The following SLC27A2 variants were observed in gnomAD, a reference collection of about 807,000 sequenced individuals.
SLC27A2 encodes the protein solute carrier family 27 member 2, also known as long-chain fatty acid transport protein 2.
A neutral mutation model predicts 60.0 loss-of-function variants in SLC27A2; 54 were observed. That is an observed-to-expected ratio of 0.90 (90% CI 0.72 to 1.13). The LOEUF (loss-of-function observed/expected upper bound fraction) is 1.13. SLC27A2 is among the 50% of genes most tolerant of loss of function. SLC27A2 has a pLI of 0.00. For missense variants in SLC27A2, 739 were observed against 777.6 expected (o/e 0.95, Z 0.59); for synonymous variants, 297 against 297.6 (o/e 1.00, Z 0.02).
At chr15:50,221,347 A>G (rs2140910648) in intron 4 of SLC27A2, among the ~76,000 whole-genome samples, 1 of 151,962 alleles carries the variant, frequency 6.6e-6, no homozygotes, top group Non-Finnish European at 1.5e-5. Context: ...CTCTTGACAC[A>G]TTTCCTCCTC....
At position 50,205,265 on chromosome 15, in the gene SLC27A2, T is replaced by C; in HGVS notation, c.874T>C (p.Phe292Leu). ...TGCTACTCTTGCCTTGCGGACTAAA[T>C]TTTCAGCCAGCCAGTTTTGGGATGA... Reference protein sequence around the residue: ...AGATLALRTKFSASQFWDDCR... With the variant: ...AGATLALRTKLSASQFWDDCR... The change falls in exon 4 of 10, where the codon TTT becomes CTT. Residue 292 changes from phenylalanine to leucine, a missense_variant. Transcript: ENST00000267842. The C allele has an allele frequency of 6.2e-7, 1 of 1,607,906 alleles. No homozygotes were observed. Among genetic ancestry groups the C allele is most frequent in the East Asian group, 2.2e-5 (1 of 44,800 alleles).
At chr15:50,182,966 C>T (rs2044879259) in intron 1 of SLC27A2, 61 bp downstream of exon 1, 5 of 1,515,316 alleles carry the variant, frequency 3.3e-6, no homozygotes, top group Non-Finnish European at 4.4e-6. Flanking sequence ...GACTGACGAG[C>T]CACAGCGTGG....
chr15:50,204,577 CA>C (rs532139713), intron 3 of SLC27A2, among the ~76,000 whole-genome samples: 3 of 151,668 alleles, frequency 2.0e-5, no homozygotes, highest in East Asian at 1.9e-4. Context: ...ACTAAAAATA[CA>C]AAAAATTTGC....
chr15:50,226,303 G>A (rs1334370483), intron 6 of SLC27A2, among the ~76,000 whole-genome samples: 1 of 152,186 alleles, frequency 6.6e-6, no homozygotes, highest in East Asian at 1.9e-4. Context: ...TTGCTTATGA[G>A]GTAATGTTTT....
intron 1 of SLC27A2, among the ~76,000 whole-genome samples, chr15:50,186,333 GA>G (rs1161074574): frequency 6.6e-6 from 1 of 152,136 alleles, no homozygotes; most frequent in East Asian, 1.9e-4. Flanking sequence ...ATTTTTATAA[GA>G]AACCCCACCG....
intron 4 of SLC27A2, among the ~76,000 whole-genome samples, chr15:50,213,476 A>G (rs1356388127): frequency 6.6e-6 from 1 of 152,230 alleles, no homozygotes; most frequent in Non-Finnish European, 1.5e-5. Context: ...TATACAGAAC[A>G]TTTCATCCAA....
rs112867154 is a variant in SLC27A2 at position 50,182,601 on chromosome 15, G to A, written c.174G>A (p.Ala58=). Residue 58 remains alanine, a synonymous_variant, in exon 1 of 10, where the codon GCG becomes GCA. Coordinates refer to ENST00000267842, the MANE Select transcript of SLC27A2 (RefSeq NM_003645.4). ...KRRPARTILR[A]FLEKARQTPH... is the part of the protein sequence containing the mutation. ...GGCCGGCGCGCACCATCCTGCGGGC[G>A]TTCCTGGAGAAAGCGCGCCAGACGC... The A allele has an allele frequency of 1.4e-5, 22 of 1,613,628 alleles. No individual in the cohort carries two copies. The African/African-American group carries it at 2.4e-4, about 18-fold the overall frequency.
intron 4 of SLC27A2, among the ~76,000 whole-genome samples, chr15:50,211,990 G>A (rs1262134691): frequency 2.1e-5 from 3 of 145,482 alleles, no homozygotes; most frequent in African/African-American, 7.7e-5. Context: ...AGAATGGCAT[G>A]AACCTGGGAG....
At chr15:50,221,121 G>A (rs1034773901) in intron 4 of SLC27A2, among the ~76,000 whole-genome samples, 2 of 151,904 alleles carry the variant, frequency 1.3e-5, no homozygotes, top group African/African-American at 2.4e-5. Context: ...CAGGAGGATC[G>A]CTTGAGCCTG....
chr15:50,216,299 C>G (rs1475698153), intron 4 of SLC27A2, among the ~76,000 whole-genome samples: 2 of 151,802 alleles, frequency 1.3e-5, no homozygotes, highest in Non-Finnish European at 2.9e-5. Flanking sequence ...TCAAAAAAAT[C>G]AAAAACAGCA....
chr15:50,201,895 A>C (rs1373906945), intron 2 of SLC27A2, among the ~76,000 whole-genome samples: 1 of 152,208 alleles, frequency 6.6e-6, no homozygotes, highest in Non-Finnish European at 1.5e-5. Flanking sequence ...AGAACATATA[A>C]GCAAATGTTC....
Position 50,197,505 on chromosome 15 carries a change from C to CA in SLC27A2, c.486dup (p.Ala163SerfsTer11). The CA allele has an allele frequency of 6.2e-7, 1 of 1,611,970 alleles. No homozygotes were observed. The highest frequency in any genetic ancestry group is 8.5e-7 in the Non-Finnish European group (1 of 1,178,250). On this transcript the variant is annotated frameshift_variant, in exon 2 of 10. Transcript: ENST00000267842. LOFTEE classifies it high-confidence loss of function. Reference sequence around the variant, plus strand: ...ATTTTTCTTATTAAATTAAGAACTACAAGCAGCTGTCGAAGAGATACTGCC... The same window carrying CA: ...ATTTTTCTTATTAAATTAAGAACTACAAAGCAGCTGTCGAAGAGATACTGCC...
At chr15:50,235,772 C>A in intron 9 of SLC27A2, 148 bp from the exon 10 acceptor site, 1 of 548,658 alleles carries the variant, frequency 1.8e-6, no homozygotes, top group Middle Eastern at 4.4e-4. Context: ...AAATGGAAAA[C>A]TTTATTTTAA....
intron 6 of SLC27A2, 180 bp downstream of exon 6, chr15:50,226,258 C>T: frequency 1.9e-6 from 1 of 517,518 alleles, no homozygotes. Flanking sequence ...CTGCATGTAA[C>T]ATAATTCTAG....
rs2044880374 is a variant in SLC27A2, at chr15:50,183,014, G to A, written c.478+109G>A. On this transcript the variant is annotated intron_variant, in intron 1 of 9. Coordinates refer to ENST00000267842, the MANE Select transcript of SLC27A2 (RefSeq NM_003645.4). ...GCAGAGGGAGGTTCAGATCGGAACT[G>A]TAGGTATAGAAAAAGGTTGGCAGTG... is the stretch of plus-strand genomic sequence containing the variant. 9 of 1,116,390 alleles carry A rather than the reference G, an allele frequency of 8.1e-6. No homozygotes were observed. In the Admixed American group the frequency reaches 1.4e-4, roughly 17 times the overall value. 69.2% of individuals were successfully genotyped at this position (1,116,390 alleles called of 1,614,324 possible). A position where few individuals can be genotyped will look rare whatever the true frequency, so the allele number is the denominator to read the frequency against.
chr15:50,225,997 A>G lies in SLC27A2; in HGVS notation c.1177A>G (p.Thr393Ala). 1 of 1,579,906 alleles carries G rather than the reference A, an allele frequency of 6.3e-7. No homozygotes were observed. The highest frequency in any genetic ancestry group is 1.7e-4 in the Middle Eastern group (1 of 5,974). ...RVNYLQKKII[T>A]YDLIKYDVEK... ...ATTTTAATCTTGCTAGAAAATCATA[A>G]CTTATGACCTGATTAAATATGATGT... Residue 393 changes from threonine (T) to alanine (A), a missense_variant, in exon 6 of 10, where the codon ACT (threonine) becomes GCT (alanine). Transcript: ENST00000267842.
At chr15:50,182,956 G>C (rs189283679) in intron 1 of SLC27A2, 51 bp downstream of exon 1, 39 of 1,534,956 alleles carry the variant, frequency 2.5e-5, no homozygotes, top group Non-Finnish European at 3.2e-5. Flanking sequence ...TCGGCGCCTT[G>C]ACTGACGAGC....
intron 4 of SLC27A2, among the ~76,000 whole-genome samples, chr15:50,213,763 C>T (rs771678867): frequency 7.9e-5 from 12 of 151,934 alleles, no homozygotes; most frequent in African/African-American, 2.9e-4. Context: ...TCAAACTGAA[C>T]GACAATAATG....
intron 4 of SLC27A2, among the ~76,000 whole-genome samples, chr15:50,208,758 A>G (rs2045132790): frequency 6.6e-6 from 1 of 152,208 alleles, no homozygotes; most frequent in Non-Finnish European, 1.5e-5. Context: ...GATTTTTAAA[A>G]TATTATAGTG....
Sources: gnomAD v4.1 joint callset for allele counts (sites outside exome capture counted in the v4.1 genomes callset) on GRCh38, gnomAD v4.1.1 for gene constraint, MANE v1.5 for transcripts, NCBI Gene and HGNC (gene_info 2026-07-23, HGNC 2026-07-21) for gene names.